The following CTNNA3 variants were observed in gnomAD, a reference collection of about 807,000 sequenced individuals.
CTNNA3 encodes catenin alpha-3.
Under a neutral mutation model 95.7 loss-of-function variants are expected in CTNNA3, and 76 were observed. The ratio of observed to expected loss-of-function variants is 0.79; its 90% CI spans 0.66 to 0.96. CTNNA3 has a LOEUF of 0.96. Ranked by LOEUF, CTNNA3 falls within the 40% of genes least tolerant of loss-of-function variation. CTNNA3 has a pLI of 0.00. For synonymous variants in CTNNA3, 431 were observed against 374.4 expected (o/e 1.15, Z -1.74); for missense variants, 1,191 against 1,089.8 (o/e 1.09, Z -1.31).
intron 15 of CTNNA3, among the ~76,000 whole-genome samples, chr10:66,046,618 C>G (rs2079834258): frequency 6.6e-6 from 1 of 151,410 alleles, no homozygotes; most frequent in Admixed American, 6.6e-5. Flanking sequence ...TAACTAATAT[C>G]AGAAGTTAAA....
chr10:67,259,719 T>C (rs534321373), intron 5 of CTNNA3, among the ~76,000 whole-genome samples: 12 of 152,220 alleles, frequency 7.9e-5, no homozygotes, highest in Non-Finnish European at 1.8e-4. Flanking sequence ...CTCTATGTTT[T>C]TGCCTAATTG....
At position 67,521,909 on chromosome 10, in the gene CTNNA3, T is replaced by C. The variant is rs776870246; in HGVS notation, c.512A>G (p.Gln171Arg). ...CTTCCCAAGCTTCTGGTAGGTTTTC[T>C]GGAGGTCAGATTTGTTGGCAACATT... ...LKNVANKSDL[Q>R]KTYQKLGKEL... is the part of the protein sequence containing the mutation. The change falls in exon 5 of 18, where the codon CAG becomes CGG. Residue 171 changes from glutamine to arginine, a missense_variant. By Grantham distance (43) the Gln-to-Arg change is conservative. Coordinates refer to ENST00000433211, the MANE Select transcript of CTNNA3 (RefSeq NM_013266.4). 1.9e-6 allele frequency: 3 copies of C among 1,613,110 alleles called. No homozygotes were observed. The highest frequency in any genetic ancestry group is 1.1e-5 in the South Asian group (1 of 90,930).
chr10:66,544,102 C>T (rs1317245043), intron 10 of CTNNA3, among the ~76,000 whole-genome samples: 1 of 151,834 alleles, frequency 6.6e-6, no homozygotes, highest in African/African-American at 2.4e-5. Flanking sequence ...TTAGAATTTA[C>T]TTCACACAGT....
At chr10:66,777,929 T>C (rs1350369336) in intron 7 of CTNNA3, among the ~76,000 whole-genome samples, 1 of 152,082 alleles carries the variant, frequency 6.6e-6, no homozygotes, top group Non-Finnish European at 1.5e-5. Flanking sequence ...TTCTCAGAGC[T>C]AGCAGCAGAA....
chr10:66,061,739 C>T (rs1337373787), intron 15 of CTNNA3, among the ~76,000 whole-genome samples: 1 of 152,018 alleles, frequency 6.6e-6, no homozygotes, highest in Non-Finnish European at 1.5e-5. Context: ...TTCTCACATA[C>T]ATCATCACCT....
At chr10:67,708,475 C>T (rs1373504734) in intron 1 of CTNNA3, among the ~76,000 whole-genome samples, 1 of 152,122 alleles carries the variant, frequency 6.6e-6, no homozygotes, top group Non-Finnish European at 1.5e-5. Context: ...ACACGGAACA[C>T]CTAGAATGAA....
chr10:66,137,757 G>GA (rs1163483627), intron 13 of CTNNA3, among the ~76,000 whole-genome samples: 2 of 151,922 alleles, frequency 1.3e-5, no homozygotes, highest in African/African-American at 2.4e-5. Flanking sequence ...GATTAGCCTG[G>GA]GCAACATGGC....
intron 10 of CTNNA3, among the ~76,000 whole-genome samples, chr10:66,529,421 C>T (rs543517042): frequency 4.7e-5 from 7 of 149,932 alleles, no homozygotes; most frequent in East Asian, 2.0e-4. Context: ...CGTGAGCCAC[C>T]GAGCCCAGCC....
At chr10:67,746,286 A>G (rs1419832049) in intron 1 of CTNNA3, among the ~76,000 whole-genome samples, 1 of 152,178 alleles carries the variant, frequency 6.6e-6, no homozygotes, top group East Asian at 1.9e-4. Flanking sequence ...CAGCCAGCTC[A>G]TCTTCAACAA....
intron 2 of CTNNA3, among the ~76,000 whole-genome samples, chr10:67,639,919 T>A (rs531069026): frequency 3.7e-4 from 57 of 152,256 alleles, no homozygotes; most frequent in African/African-American, 1.3e-3. Flanking sequence ...GGGCAAAAAC[T>A]GGAAGAATTC....
chr10:65,954,696 T>C lies in CTNNA3; in HGVS notation c.2400+11916A>G, dbSNP rs555967142. On this transcript the variant is annotated intron_variant, in intron 17 of 17. Coordinates refer to ENST00000433211, the MANE Select transcript of CTNNA3 (RefSeq NM_013266.4). Reference sequence around the variant, plus strand: ...AGAATTGTCAAAGATCAGATGGTTGTAGATGTGTGGTAGTATTTCTGAGGG... The same window carrying C: ...AGAATTGTCAAAGATCAGATGGTTGCAGATGTGTGGTAGTATTTCTGAGGG... Among the ~76,000 whole-genome samples, 16 of 152,306 alleles carry C rather than the reference T, an allele frequency of 1.1e-4. 1 individual carries two copies. The South Asian group carries it at 3.3e-3, about 32-fold the overall frequency.
Position 66,246,752 on chromosome 10 carries a change from G to A in CTNNA3, c.1884+33718C>T, listed in dbSNP as rs538039487. Among the ~76,000 whole-genome samples, 3 of 151,896 alleles carry A rather than the reference G, an allele frequency of 2.0e-5. No homozygotes were observed. In the South Asian group the frequency reaches 6.2e-4, roughly 32 times the overall value. On this transcript the variant is annotated intron_variant, in intron 13 of 17. Transcript: ENST00000433211. ...TCCTAATAGCAGAATTGATCAAGCA[G>A]AAGAATTAGTGAGTTTTGGGATGGG...
intron 5 of CTNNA3, among the ~76,000 whole-genome samples, chr10:67,270,402 A>G (rs1232394138): frequency 6.6e-6 from 1 of 152,146 alleles, no homozygotes; most frequent in Admixed American, 6.6e-5. Context: ...TTGTGTTCCA[A>G]TTGCTATGCT....
intron 9 of CTNNA3, among the ~76,000 whole-genome samples, chr10:66,763,403 C>A (rs1839700042): frequency 6.7e-6 from 1 of 148,294 alleles, no homozygotes; most frequent in Non-Finnish European, 1.5e-5. Context: ...ACCTAGTGTG[C>A]AAGCAGTATG....
chr10:66,202,675 T>A (rs1283555351), intron 13 of CTNNA3, among the ~76,000 whole-genome samples: 1 of 152,168 alleles, frequency 6.6e-6, no homozygotes, highest in African/African-American at 2.4e-5. Context: ...AAACCATTGA[T>A]TTTTTAAAAA....
At chr10:67,193,637 C>T (rs2132182619) in intron 6 of CTNNA3, among the ~76,000 whole-genome samples, 1 of 152,112 alleles carries the variant, frequency 6.6e-6, no homozygotes, top group Middle Eastern at 3.4e-3. Flanking sequence ...TAATGGCCTC[C>T]AGCTCCATCC....
At chr10:67,587,211 G>GTGTT (rs1194063864) in intron 3 of CTNNA3, among the ~76,000 whole-genome samples, 5 of 149,720 alleles carry the variant, frequency 3.3e-5, no homozygotes, top group Admixed American at 3.3e-4. Flanking sequence ...GTGTGTGTGT[G>GTGTT]TGTGTGTGTG....
chr10:65,939,165 A>C (rs1196549584), intron 17 of CTNNA3, among the ~76,000 whole-genome samples: 1 of 152,142 alleles, frequency 6.6e-6, no homozygotes, highest in Non-Finnish European at 1.5e-5. Context: ...TCGGCCTCTC[A>C]AAGTGCTGGG....
intron 11 of CTNNA3, among the ~76,000 whole-genome samples, chr10:66,500,370 C>G (rs1840241463): frequency 6.6e-6 from 1 of 152,032 alleles, no homozygotes; most frequent in South Asian, 2.1e-4. Flanking sequence ...TAATAATTGG[C>G]TTACCACCCT....
Sources: allele counts gnomAD v4.1 joint callset (sites outside exome capture counted in the v4.1 genomes callset), GRCh38; gene constraint gnomAD v4.1.1; transcripts MANE v1.5; gene names NCBI Gene and HGNC (gene_info 2026-07-23, HGNC 2026-07-21).